ARID1B: variants seen among roughly 807,000 people sequenced by gnomAD.
ARID1B encodes the protein AT-rich interactive domain-containing protein 1B.
In ARID1B, 30 loss-of-function variants were observed where a neutral mutation model predicts 212.3. The ratio of observed to expected loss-of-function variants is 0.14; its 90% CI spans 0.11 to 0.19. The LOEUF is 0.19. Among genes scored for constraint, ARID1B ranks in the 10% least tolerant of loss-of-function variants. The probability of loss-of-function intolerance (pLI) is 1.00; values close to 1 mark genes in which losing one functional copy is unlikely to be tolerated. For missense variants in ARID1B, 2,891 were observed against 3,204.0 expected (o/e 0.90, Z 2.36); for synonymous variants, 1,402 against 1,301.7 (o/e 1.08, Z -1.66).
At chr6:157,070,425 A>C (rs1354273516) in intron 4 of ARID1B, among the ~76,000 whole-genome samples, 1 of 152,112 alleles carries the variant, frequency 6.6e-6, no homozygotes. Flanking sequence ...TTTTGTTACT[A>C]GTTAAAAATC....
In ARID1B at chr6:156,829,239, G is replaced by A. The variant is rs762428637; in HGVS notation, c.1804G>A (p.Asp602Asn). ...TATGTCTTCACAGGGCAGCCCAATG[G>A]ATCCAATGGTGATGAAGAGACCTCA... is the stretch of plus-strand genomic sequence containing the variant. ...TMGRSQGSPM[D>N]PMVMKRPQLY... Residue 602 changes from aspartate (D) to asparagine (N), a missense_variant, in exon 2 of 20, where the codon GAT becomes AAT. Around this residue, in one of 7 missense-constraint regions of ARID1B, gnomAD observed 1,643 missense variants for 1,544.0 expected, o/e 1.06. Coordinates refer to ENST00000636930, the MANE Select transcript of ARID1B (RefSeq NM_001374828.1). The A allele has an allele frequency of 6.2e-7, 1 of 1,613,362 alleles. No homozygotes were observed. The highest frequency in any genetic ancestry group is 8.5e-7 in the Non-Finnish European group (1 of 1,179,542).
intron 4 of ARID1B, among the ~76,000 whole-genome samples, chr6:156,945,812 G>A (rs546001342): frequency 7.2e-5 from 11 of 151,884 alleles, no homozygotes; most frequent in South Asian, 2.1e-4. Context: ...GCTTGAGACC[G>A]GCCTGGCCAA....
At chr6:156,792,234 A>G (rs747267835) in intron 1 of ARID1B, among the ~76,000 whole-genome samples, 24 of 152,212 alleles carry the variant, frequency 1.6e-4, no homozygotes, top group Non-Finnish European at 2.6e-4. Context: ...AGTTTTGCCA[A>G]TCACTCCTGA....
At chr6:156,896,152 C>G (rs917477199) in intron 2 of ARID1B, among the ~76,000 whole-genome samples, 2 of 152,146 alleles carry the variant, frequency 1.3e-5, no homozygotes, top group African/African-American at 4.8e-5. Flanking sequence ...CCTCTTCTGT[C>G]AATTGTAGTA....
In ARID1B at chr6:157,181,258, C is replaced by T. The variant is rs1364149214; in HGVS notation, c.3714+80C>T. The stretch of plus-strand genomic sequence containing the variant: ...CAGTGGCTTTCTTTGAATGTGTGGA[C>T]TCATTTTTTTTCTCACAAAGGAAAA... On this transcript the variant is annotated intron_variant, in intron 12 of 19. Coordinates refer to ENST00000636930, the MANE Select transcript of ARID1B (RefSeq NM_001374828.1). The T allele has an allele frequency of 3.3e-6, 5 of 1,506,276 alleles. No individual in the cohort carries two copies. The South Asian group carries it at 4.8e-5, about 15-fold the overall frequency. 93.3% of individuals were successfully genotyped at this position (1,506,276 alleles called of 1,614,324 possible). A position where few individuals can be genotyped will look rare whatever the true frequency, so the allele number is the denominator to read the frequency against.
chr6:156,893,202 C>G (rs933666125), intron 2 of ARID1B, among the ~76,000 whole-genome samples: 1 of 152,068 alleles, frequency 6.6e-6, no homozygotes, highest in Non-Finnish European at 1.5e-5. Context: ...ATCACCACAT[C>G]TGGCTGATTT....
chr6:156,934,908 TTAATTATATATATATATATATATATATA>T (rs1182838317), intron 3 of ARID1B, among the ~76,000 whole-genome samples: 12 of 97,404 alleles, frequency 1.2e-4, no homozygotes, highest in African/African-American at 4.0e-4. Context: ...AATTTAGTTG[TTAATTATATATATATATATATATATATA>T]TATATATATA....
intron 4 of ARID1B, among the ~76,000 whole-genome samples, chr6:157,017,237 G>T (rs1344987064): frequency 2.0e-5 from 3 of 152,200 alleles, no homozygotes; most frequent in African/African-American, 4.8e-5. Context: ...GCCCAGTGTA[G>T]AAACCTCTGG....
chr6:157,115,131 A>G (rs947589373), intron 6 of ARID1B, among the ~76,000 whole-genome samples: 8 of 152,098 alleles, frequency 5.3e-5, no homozygotes, highest in Non-Finnish European at 1.0e-4. Context: ...TTCGGTGCCC[A>G]TTTTATCTGG....
At chr6:157,189,809 CA>C in intron 14 of ARID1B, 29 bp downstream of exon 14, 2 of 1,612,760 alleles carry the variant, frequency 1.2e-6, no homozygotes, top group South Asian at 2.2e-5. Context: ...GTGAGGCATA[CA>C]AAGTCACATT....
intron 1 of ARID1B, among the ~76,000 whole-genome samples, chr6:156,802,679 G>C (rs1251256976): frequency 6.6e-6 from 1 of 152,172 alleles, no homozygotes; most frequent in African/African-American, 2.4e-5. Context: ...TTCTAATGTA[G>C]GTCATTGAAT....
At chr6:157,140,492 T>C (rs2128607774) in intron 7 of ARID1B, 1 of 396,244 alleles carries the variant, frequency 2.5e-6, no homozygotes, top group African/African-American at 2.1e-5. Context: ...AAGAACACTT[T>C]TTGCCTATTC....
At chr6:157,034,835 A>G (rs1275142793) in intron 4 of ARID1B, among the ~76,000 whole-genome samples, 24 of 152,216 alleles carry the variant, frequency 1.6e-4, no homozygotes, top group Admixed American at 1.6e-3. Context: ...GGATACTTGA[A>G]CTAGGGTACA....
chr6:157,146,728 G>T (rs1226080750), intron 7 of ARID1B, among the ~76,000 whole-genome samples: 2 of 152,168 alleles, frequency 1.3e-5, no homozygotes. Flanking sequence ...TACGTCACCT[G>T]TGCCTAGAAC....
chr6:156,835,110 G>A (rs992805935), intron 2 of ARID1B, among the ~76,000 whole-genome samples: 1 of 151,914 alleles, frequency 6.6e-6, no homozygotes, highest in Non-Finnish European at 1.5e-5. Context: ...CGTGGTGGCG[G>A]GCGCCTGTAG....
At chr6:156,970,082 TTTTGTTTTG>T (rs1776816441) in intron 4 of ARID1B, among the ~76,000 whole-genome samples, 1 of 144,506 alleles carries the variant, frequency 6.9e-6, no homozygotes, top group East Asian at 2.4e-4. Context: ...TGTTGTTTTG[TTTTGTTTTG>T]TTTTTTGAGA....
chr6:156,820,691 G>T (rs1468046776), intron 1 of ARID1B, among the ~76,000 whole-genome samples: 1 of 152,190 alleles, frequency 6.6e-6, no homozygotes, highest in Non-Finnish European at 1.5e-5. Context: ...ACCCAGGTTT[G>T]TCTGACTTGA....
At chr6:156,975,869 G>A (rs1777205116) in intron 4 of ARID1B, among the ~76,000 whole-genome samples, 1 of 152,108 alleles carries the variant, frequency 6.6e-6, no homozygotes, top group Non-Finnish European at 1.5e-5. Flanking sequence ...CCTGGGTGCA[G>A]GCGGGCTGAG....
intron 13 of ARID1B, among the ~76,000 whole-genome samples, chr6:157,188,467 A>G (rs1285202505): frequency 1.3e-5 from 2 of 152,224 alleles, no homozygotes. Context: ...TGTCCTCTGT[A>G]ACCTCTCGTG....
Sources: gnomAD v4.1 joint callset for allele counts (sites outside exome capture counted in the v4.1 genomes callset) on GRCh38, gnomAD v4.1.1 for gene constraint, gnomAD v4.1.1 regional missense constraint, MANE v1.5 for transcripts, NCBI Gene and HGNC (gene_info 2026-07-23, HGNC 2026-07-21) for gene names.